RXRA: variants seen among roughly 807,000 people sequenced by gnomAD.
The protein encoded by RXRA is retinoic acid receptor RXR-alpha.
In RXRA, 5 loss-of-function variants were observed where a neutral mutation model predicts 44.5. That is an observed-to-expected ratio of 0.11 (90% CI 0.06 to 0.24). The LOEUF (loss-of-function observed/expected upper bound fraction) is 0.24. Among genes scored for constraint, RXRA ranks in the 10% least tolerant of loss-of-function variants. The probability of loss-of-function intolerance (pLI) is 1.00; values close to 1 mark genes in which losing one functional copy is unlikely to be tolerated. For missense variants in RXRA, 412 were observed against 646.5 expected, an observed-to-expected ratio of 0.64 and a Z score of 3.93; for synonymous variants, 291 against 271.4, an observed-to-expected ratio of 1.07 and a Z score of -0.71.
intron 1 of RXRA, among the ~76,000 whole-genome samples, chr9:134,384,565 C>T (rs898473250): frequency 5.3e-5 from 8 of 152,030 alleles, no homozygotes; most frequent in African/African-American, 1.7e-4. Flanking sequence ...TGCCCTGGGC[C>T]CCTCAGCCGG....
At chr9:134,414,276 G>A (rs1831197662) in intron 4 of RXRA, among the ~76,000 whole-genome samples, 1 of 152,282 alleles carries the variant, frequency 6.6e-6, no homozygotes, top group South Asian at 2.1e-4. Context: ...AGAACTGGCA[G>A]CAAGGCCCCT....
chr9:134,377,008 C>T (rs1289518496), intron 1 of RXRA, among the ~76,000 whole-genome samples: 1 of 152,220 alleles, frequency 6.6e-6, no homozygotes, highest in African/African-American at 2.4e-5. Flanking sequence ...CGCCCACTGT[C>T]CTTGACCCGT....
intron 1 of RXRA, among the ~76,000 whole-genome samples, chr9:134,370,991 G>C (rs767278437): frequency 1.3e-5 from 2 of 152,154 alleles, no homozygotes; most frequent in Non-Finnish European, 2.9e-5. Flanking sequence ...GGAGGGCTTG[G>C]GGAAGAGGCC....
At chr9:134,373,232 A>C (rs1588271021) in intron 1 of RXRA, among the ~76,000 whole-genome samples, 1 of 152,052 alleles carries the variant, frequency 6.6e-6, no homozygotes, top group Admixed American at 6.5e-5. Flanking sequence ...CGGGTCCCAG[A>C]GACCAGCCTT....
chr9:134,398,697 C>T (rs1435335248), intron 1 of RXRA, among the ~76,000 whole-genome samples: 1 of 152,224 alleles, frequency 6.6e-6, no homozygotes, highest in Non-Finnish European at 1.5e-5. Context: ...ACATCTGGAG[C>T]AGGGGGTGGG....
rs529840080 is a variant in RXRA at position 134,433,855 on chromosome 9, G to A, written c.1136-247G>A. On this transcript the variant is annotated intron_variant, in intron 8 of 9. Transcript: ENST00000481739. The surrounding 1 kb of genome is among the most constrained non-coding windows in gnomAD (Gnocchi z 4.2). ...GGTCAAATAGTTGACCCAAGGTCAC[G>A]TGGCTGGCAAGTGGCAGAGCTGAGC... Among the ~76,000 whole-genome samples the A allele has an allele frequency of 5.3e-5, 8 of 152,328 alleles. No individual in the cohort carries two copies. In the East Asian group the frequency reaches 1.2e-3, roughly 22 times the overall value.
At chr9:134,347,150 T>C (rs1352229950) in intron 1 of RXRA, among the ~76,000 whole-genome samples, 11 of 150,864 alleles carry the variant, frequency 7.3e-5, no homozygotes, top group African/African-American at 2.4e-4. Flanking sequence ...TTGCCATCAC[T>C]ATGGGGGTGG....
chr9:134,332,917 G>A (rs552032557), intron 1 of RXRA, among the ~76,000 whole-genome samples: 70 of 152,264 alleles, frequency 4.6e-4, no homozygotes, highest in African/African-American at 1.7e-3. Context: ...AGGATTCCTA[G>A]CATCTTCCTG....
intron 1 of RXRA, among the ~76,000 whole-genome samples, chr9:134,386,477 G>C (rs1433290541): frequency 6.6e-6 from 1 of 152,256 alleles, no homozygotes; most frequent in Non-Finnish European, 1.5e-5. Flanking sequence ...TGGCATGTCT[G>C]CTGGGGCTGT....
chr9:134,351,429 C>T (rs1161451868), intron 1 of RXRA, among the ~76,000 whole-genome samples: 1 of 152,202 alleles, frequency 6.6e-6, no homozygotes, highest in Non-Finnish European at 1.5e-5. Flanking sequence ...CTGCATTGCT[C>T]TGTTCCTCCA....
At chr9:134,422,751 C>G (rs1042499707) in intron 6 of RXRA, 1 of 985,476 alleles carries the variant, frequency 1.0e-6, no homozygotes, top group African/African-American at 1.7e-5. Context: ...GCCTCAGTTT[C>G]CCTCCATCCC....
intron 1 of RXRA, among the ~76,000 whole-genome samples, chr9:134,395,754 C>T (rs1452320373): frequency 6.6e-6 from 1 of 152,262 alleles, no homozygotes; most frequent in Non-Finnish European, 1.5e-5. Context: ...GGCCCTCAGG[C>T]TCCTGTGGAG....
In RXRA at chr9:134,433,166, A is replaced by G. The variant is rs1831560255; in HGVS notation, c.1136-936A>G. Reference sequence around the variant, plus strand: ...CTTCTTGTGGGGAGAGCTTGTTTCCAGGGTCATTTTATCACCCAGGCTGTG... The same window carrying G: ...CTTCTTGTGGGGAGAGCTTGTTTCCGGGGTCATTTTATCACCCAGGCTGTG... On this transcript the variant is annotated intron_variant, in intron 8 of 9. Transcript: ENST00000481739. This position sits in a 1 kb window ranked among gnomAD's most constrained non-coding sequence, Gnocchi z 4.2. Among the ~76,000 whole-genome samples, 7 of 152,138 alleles carry G rather than the reference A, an allele frequency of 4.6e-5. 1 individual carries two copies. In the South Asian group the frequency reaches 1.5e-3, roughly 32 times the overall value.
At chr9:134,403,986 T>C (rs2119147461) in intron 2 of RXRA, 1 of 152,346 alleles carries the variant, frequency 6.6e-6, no homozygotes, top group East Asian at 1.9e-4. Flanking sequence ...TTGGCCCTGG[T>C]TCCCCAGAAC....
rs532242090 is a variant in RXRA at position 134,339,110 on chromosome 9, C to G, written c.28+12451C>G. Among the ~76,000 whole-genome samples the G allele has an allele frequency of 2.3e-3, 311 of 135,964 alleles. 1 individual carries two copies. The highest frequency in any genetic ancestry group is 8.4e-3 in the African/African-American group (298 of 35,412). The allele number at this position is 135,964 out of a possible 152,430, so 89.2% of individuals were successfully genotyped here. ...CGGGGCAGGGCTGGTGGTCACCCCC[C>G]CTGGGGTTGGCCCCGTGGGCTCAGG... On this transcript the variant is annotated intron_variant, in intron 1 of 9. Coordinates refer to ENST00000481739, the MANE Select transcript of RXRA (RefSeq NM_002957.6).
At chr9:134,350,521 T>C (rs1830208475) in intron 1 of RXRA, among the ~76,000 whole-genome samples, 2 of 152,200 alleles carry the variant, frequency 1.3e-5, no homozygotes, top group East Asian at 3.9e-4. Context: ...GGTTTCCGGC[T>C]AGTGTCTTCC....
At chr9:134,409,155 G>A (rs1000526515) in intron 4 of RXRA, 36 bp downstream of exon 4, 23 of 1,507,770 alleles carry the variant, frequency 1.5e-5, no homozygotes, top group Non-Finnish European at 2.0e-5. Flanking sequence ...GCGGGCAGGT[G>A]TTGGACAAAC....
At chr9:134,402,040 C>T (rs995988479) in intron 2 of RXRA, 158 bp downstream of exon 2, 35 of 669,374 alleles carry the variant, frequency 5.2e-5, no homozygotes, top group Admixed American at 9.2e-5. Context: ...AGCAGAGTGC[C>T]GTGGGGGTTT....
intron 1 of RXRA, among the ~76,000 whole-genome samples, chr9:134,346,298 G>C (rs1588254960): frequency 6.6e-6 from 1 of 152,274 alleles, no homozygotes; most frequent in East Asian, 1.9e-4. Context: ...CAGCTGTGCT[G>C]ACTAATGTGA....
Sources: gnomAD v4.1 joint callset for allele counts (sites outside exome capture counted in the v4.1 genomes callset) on GRCh38, gnomAD v4.1.1 for gene constraint, Gnocchi (gnomAD v3.1) non-coding constraint, MANE v1.5 for transcripts, NCBI Gene and HGNC (gene_info 2026-07-23, HGNC 2026-07-21) for gene names.